Variants in UBR3 observed in about 807,000 individuals in gnomAD.
UBR3 encodes ubiquitin protein ligase E3 component n-recognin 3.
UBR3 carries 85 observed loss-of-function variants against 243.2 expected under a neutral mutation model. The observed-to-expected ratio is 0.35, with a 90% CI of 0.29 to 0.42. UBR3 has a LOEUF of 0.42. Among genes scored for constraint, UBR3 ranks in the 10% least tolerant of loss-of-function variants. The pLI, the probability that UBR3 is intolerant of heterozygous loss-of-function variation, is 1.00. For missense variants in UBR3, 1,686 were observed against 2,300.8 expected (o/e 0.73, Z 5.47); for synonymous variants, 748 against 799.8 (o/e 0.94, Z 1.09).
At chr2:169,969,166 T>C (rs1399791498) in intron 24 of UBR3, among the ~76,000 whole-genome samples, 1 of 152,200 alleles carries the variant, frequency 6.6e-6, no homozygotes, top group Non-Finnish European at 1.5e-5. Flanking sequence ...TTGATTGTTT[T>C]CTTTGCTGTA....
chr2:169,947,496 G>T, intron 21 of UBR3, 46 bp from the exon 22 acceptor site: 1 of 1,356,928 alleles, frequency 7.4e-7, no homozygotes. Context: ...TTGTACCTTG[G>T]ACGTGATGTG....
rs146933206 is a variant in UBR3 at position 169,976,328 on chromosome 2, A to G, written c.3635-10317A>G. ...TTTGATTTTTTTTTTTATTTCTACT[A>G]TGTGTATCTGGTCTGCCAGTGAGTT... is the stretch of plus-strand genomic sequence containing the variant. On this transcript the variant is annotated intron_variant, in intron 24 of 38. Transcript: ENST00000272793. Among the ~76,000 whole-genome samples, 41 of 150,470 alleles carry G rather than the reference A, an allele frequency of 2.7e-4. No homozygotes were observed. In the South Asian group the frequency reaches 7.3e-3, roughly 27 times the overall value.
chr2:169,877,928 C>T (rs1447808385), intron 4 of UBR3, among the ~76,000 whole-genome samples: 2 of 152,134 alleles, frequency 1.3e-5, no homozygotes, highest in Admixed American at 1.3e-4. Context: ...TTTACTGCCT[C>T]AATATTTTAG....
intron 20 of UBR3, among the ~76,000 whole-genome samples, chr2:169,943,273 TATATA>T (rs1381135462): frequency 6.6e-6 from 1 of 152,192 alleles, no homozygotes; most frequent in Non-Finnish European, 1.5e-5. Context: ...TGTATGTGTG[TATATA>T]ATAGGGATTT....
chr2:170,074,148 G>A (rs996825976), intron 36 of UBR3, among the ~76,000 whole-genome samples: 10 of 152,118 alleles, frequency 6.6e-5, no homozygotes, highest in Non-Finnish European at 1.0e-4. Context: ...TGTGATGAAA[G>A]TAGTATTTTG....
intron 33 of UBR3, among the ~76,000 whole-genome samples, chr2:170,060,453 T>C (rs2091434890): frequency 6.6e-6 from 1 of 152,020 alleles, no homozygotes; most frequent in Non-Finnish European, 1.5e-5. Context: ...TTTTAATAAA[T>C]CCTCAAAGAC....
intron 24 of UBR3, among the ~76,000 whole-genome samples, chr2:169,972,079 G>A (rs1026722046): frequency 6.6e-6 from 1 of 151,936 alleles, no homozygotes; most frequent in African/African-American, 2.4e-5. Context: ...AATGATAAAG[G>A]GGATATCACC....
chr2:169,846,207 A>G (rs1045811794), intron 1 of UBR3, among the ~76,000 whole-genome samples: 1 of 152,042 alleles, frequency 6.6e-6, no homozygotes, highest in Non-Finnish European at 1.5e-5. Flanking sequence ...TGAAGTTGTC[A>G]ATTTTTGCTG....
At chr2:169,866,642 TGTGAGCAACCGTGCCCGGAC>T (rs755514565) in intron 1 of UBR3, among the ~76,000 whole-genome samples, 33 of 152,180 alleles carry the variant, frequency 2.2e-4, no homozygotes, top group Admixed American at 1.0e-3. Context: ...GGATTACAGG[TGTGAGCAACCGTGCCCGGAC>T]TGGAAGAAGT....
rs370237284 is a variant in UBR3, at chr2:169,880,641, G to A, written c.1038+2067G>A. On this transcript the variant is annotated intron_variant, in intron 5 of 38. Transcript: ENST00000272793. Reference sequence around the variant, plus strand: ...GTGTGCACGTGTGTGTGTATTGAGGGGCTTTTGAATCTCTTCTAGAAGTAA... The same window carrying A: ...GTGTGCACGTGTGTGTGTATTGAGGAGCTTTTGAATCTCTTCTAGAAGTAA... Among the ~76,000 whole-genome samples the A allele has an allele frequency of 2.2e-4, 34 of 152,080 alleles. No individual in the cohort carries two copies. In the South Asian group the frequency reaches 7.1e-3, roughly 32 times the overall value.
chr2:170,023,991 C>G (rs112912017), intron 30 of UBR3, among the ~76,000 whole-genome samples: 1 of 152,260 alleles, frequency 6.6e-6, no homozygotes, highest in Non-Finnish European at 1.5e-5. Context: ...CATGAGCCAC[C>G]GCGCCTGGCA....
chr2:169,875,686 ATAATT>A lies in UBR3; in HGVS notation c.686-101_686-97del, dbSNP rs1574096897. 28 of 1,088,462 alleles carry A rather than the reference ATAATT, an allele frequency of 2.6e-5. No homozygotes were observed. In the South Asian group the frequency reaches 4.4e-4, roughly 17 times the overall value. 67.4% of individuals were successfully genotyped at this position (1,088,462 alleles called of 1,614,324 possible). A position where few individuals can be genotyped will look rare whatever the true frequency, so the allele number is the denominator to read the frequency against. The stretch of plus-strand genomic sequence containing the variant: ...TTGACTTTTTTGATTATAAAATACT[ATAATT>A]TAAGCCATTATAATTTTAAAAGAAT... On this transcript the variant is annotated intron_variant, in intron 2 of 38. Transcript: ENST00000272793.
chr2:169,990,478 A>AT (rs1343198258), intron 25 of UBR3, among the ~76,000 whole-genome samples: 5 of 152,108 alleles, frequency 3.3e-5, no homozygotes, highest in Non-Finnish European at 5.9e-5. Context: ...GCACTTCAAA[A>AT]ATATATATAA....
At chr2:170,077,221 C>G in intron 36 of UBR3, 2 of 708,578 alleles carry the variant, frequency 2.8e-6, no homozygotes, top group South Asian at 2.7e-5. Context: ...TATGAAAGTG[C>G]TGTCAGACCA....
intron 31 of UBR3, among the ~76,000 whole-genome samples, chr2:170,029,900 A>G (rs2090624830): frequency 6.6e-6 from 1 of 152,110 alleles, no homozygotes; most frequent in South Asian, 2.1e-4. Context: ...TCTTCTGATT[A>G]AATGGAATGT....
intron 5 of UBR3, among the ~76,000 whole-genome samples, chr2:169,885,976 G>A (rs928629005): frequency 6.6e-6 from 1 of 151,970 alleles, no homozygotes; most frequent in African/African-American, 2.4e-5. Context: ...GGCCAATATG[G>A]TGAAACCCCG....
At chr2:170,041,685 T>C (rs889002650) in intron 32 of UBR3, among the ~76,000 whole-genome samples, 1 of 152,204 alleles carries the variant, frequency 6.6e-6, no homozygotes, top group African/African-American at 2.4e-5. Context: ...CTAGTTTTTA[T>C]TTTGTTTAAC....
At chr2:169,892,040 A>G (rs1174465172) in intron 6 of UBR3, among the ~76,000 whole-genome samples, 1 of 152,190 alleles carries the variant, frequency 6.6e-6, no homozygotes, top group Non-Finnish European at 1.5e-5. Flanking sequence ...TCTGCTGTTG[A>G]TTAAGTGTAT....
At chr2:169,878,353 TC>T (rs2083693998) in intron 4 of UBR3, among the ~76,000 whole-genome samples, 171 bp from the exon 5 acceptor site, 1 of 125,306 alleles carries the variant, frequency 8.0e-6, no homozygotes. Flanking sequence ...AGAGCGAGAA[TC>T]CCGTCTCAAA....
Sources: allele counts gnomAD v4.1 joint callset (sites outside exome capture counted in the v4.1 genomes callset), GRCh38; gene constraint gnomAD v4.1.1; transcripts MANE v1.5; gene names NCBI Gene and HGNC (gene_info 2026-07-23, HGNC 2026-07-21).